Variants in COL28A1 observed in about 807,000 individuals in gnomAD.
The protein encoded by COL28A1 is collagen alpha-1(XXVIII) chain.
A neutral mutation model predicts 150.2 loss-of-function variants in COL28A1; 161 were observed. That is an observed-to-expected ratio of 1.07 (90% confidence interval 0.94 to 1.22). The LOEUF is 1.22. Ranked by LOEUF, COL28A1 falls within the 50% of genes most tolerant of loss-of-function variation. COL28A1 has a pLI of 0.00. For synonymous variants in COL28A1, 552 were observed against 469.7 expected, an observed-to-expected ratio of 1.18 and a Z score of -2.26; for missense variants, 1,617 against 1,388.3, an observed-to-expected ratio of 1.16 and a Z score of -2.62.
intron 33 of COL28A1, among the ~76,000 whole-genome samples, chr7:7,364,087 C>T (rs935476585): frequency 1.2e-4 from 18 of 152,258 alleles, no homozygotes; most frequent in African/African-American, 2.4e-4. Flanking sequence ...GGTCTCCATC[C>T]GCAAAACCTT....
chr7:7,462,586 C>T (rs546216684), intron 15 of COL28A1, among the ~76,000 whole-genome samples: 7 of 152,298 alleles, frequency 4.6e-5, no homozygotes, highest in South Asian at 2.1e-4. Context: ...AGGCTGAGCA[C>T]GGTGGCTCAC....
intron 7 of COL28A1, among the ~76,000 whole-genome samples, chr7:7,516,703 GAGTC>G (rs1473495434): frequency 6.6e-6 from 1 of 152,172 alleles, no homozygotes; most frequent in Non-Finnish European, 1.5e-5. Flanking sequence ...AGTTACATGT[GAGTC>G]AGACTACAAA....
At chr7:7,460,842 T>C (rs1320073479) in intron 15 of COL28A1, among the ~76,000 whole-genome samples, 1 of 152,198 alleles carries the variant, frequency 6.6e-6, no homozygotes, top group African/African-American at 2.4e-5. Context: ...TCTCAGATCA[T>C]AACTCATCCT....
intron 15 of COL28A1, among the ~76,000 whole-genome samples, chr7:7,471,435 A>T (rs1196043484): frequency 6.6e-6 from 1 of 152,218 alleles, no homozygotes; most frequent in East Asian, 1.9e-4. Context: ...ACTACAGACC[A>T]ATATCCCTCA....
At chr7:7,540,830 C>G (rs536054807), upstream of COL28A1, among the ~76,000 whole-genome samples, 11 of 152,258 alleles carry the variant, frequency 7.2e-5, no homozygotes, top group Non-Finnish European at 1.3e-4. Context: ...TCTTCGAACC[C>G]TGGGTTGAAA....
intron 1 of COL28A1, among the ~76,000 whole-genome samples, chr7:7,534,544 A>T (rs969727081): frequency 6.6e-6 from 1 of 152,188 alleles, no homozygotes; most frequent in Non-Finnish European, 1.5e-5. Context: ...ACCATAAGGA[A>T]CATCTCAGAA....
intron 33 of COL28A1, among the ~76,000 whole-genome samples, chr7:7,361,275 C>T (rs1213907037): frequency 3.7e-5 from 2 of 54,698 alleles, no homozygotes; most frequent in South Asian, 7.6e-4. Context: ...TGATATATAA[C>T]GAAACAAGAA....
intron 11 of COL28A1, among the ~76,000 whole-genome samples, chr7:7,497,873 G>A (rs1780305371): frequency 6.6e-6 from 1 of 152,152 alleles, no homozygotes; most frequent in South Asian, 2.1e-4. Flanking sequence ...ATATAAACTG[G>A]TAAGTGAACT....
chr7:7,380,246 T>G (rs1781796611), intron 30 of COL28A1, among the ~76,000 whole-genome samples: 1 of 152,192 alleles, frequency 6.6e-6, no homozygotes, highest in African/African-American at 2.4e-5. Flanking sequence ...AATCTCAATT[T>G]TGTGATTGCT....
intron 33 of COL28A1, among the ~76,000 whole-genome samples, chr7:7,362,258 G>T (rs7776588): frequency 0.78 from 118,337 of 151,802 alleles, 46,293 homozygotes; most frequent in East Asian, 0.88. Context: ...ATATTCTTTT[G>T]CAAATTTTTC....
At chr7:7,533,664 G>A (rs1474743448) in intron 1 of COL28A1, among the ~76,000 whole-genome samples, 5 of 152,066 alleles carry the variant, frequency 3.3e-5, no homozygotes, top group Non-Finnish European at 5.9e-5. Context: ...GAATAGCCCC[G>A]TGAAACTATT....
rs750315605 is a variant in COL28A1, at chr7:7,373,392, G to A, written c.2514C>T (p.Gly838=). 1.7e-5 allele frequency: 28 copies of A among 1,614,030 alleles called. No individual in the cohort carries two copies. In the Admixed American group the frequency reaches 1.8e-4, roughly 11 times the overall value. ...CCACCTTATGGCTATAGTTGATTATGCCTATGCGGGCCGTGGCAAGGTCCA... is the reference window on the plus strand; with the variant it reads ...CCACCTTATGGCTATAGTTGATTATACCTATGCGGGCCGTGGCAAGGTCCA... The part of the protein sequence containing the change: ...VALDLATARI[G]IINYSHKVEK... Residue 838 remains glycine (G), a synonymous_variant, in exon 32 of 35, where the codon GGC becomes GGT. Coordinates refer to ENST00000399429, the MANE Select transcript of COL28A1 (RefSeq NM_001037763.3). This position sits in a 1 kb window ranked among gnomAD's most constrained non-coding sequence, Gnocchi z 4.1.
chr7:7,512,881 T>C (rs537483683), intron 8 of COL28A1, among the ~76,000 whole-genome samples: 1 of 152,358 alleles, frequency 6.6e-6, no homozygotes, highest in African/African-American at 2.4e-5. Context: ...TGTACTGCTC[T>C]AGGGCATGTT....
At position 7,359,392 on chromosome 7, in the gene COL28A1, C is replaced by T. The variant is rs1315215919; in HGVS notation, c.3206-587G>A. 3.3e-5 allele frequency among the ~76,000 whole-genome samples: 5 copies of T among 152,000 alleles called. No homozygotes were observed. In the East Asian group the frequency reaches 5.8e-4, roughly 18 times the overall value. On this transcript the variant is annotated intron_variant, in intron 34 of 34. Transcript: ENST00000399429. ...CTAAAAACGTGATACAACTTTCTAA[C>T]GTCATATTGTCTTATCGTAGAAATA...
chr7:7,350,619 T>A, the COL28A1 span, among the ~76,000 whole-genome samples: 1 of 151,826 alleles, frequency 6.6e-6, no homozygotes, highest in Admixed American at 6.6e-5. Context: ...TGTTTCATTT[T>A]CCAGCAGGGA....
chr7:7,506,189 T>C (rs943512480), intron 10 of COL28A1, 122 bp from the exon 11 acceptor site: 13 of 618,558 alleles, frequency 2.1e-5, no homozygotes, highest in Non-Finnish European at 5.9e-6. Context: ...CAGAGCTAAA[T>C]TGAAATCACA....
chr7:7,363,176 A>G (rs1423938031), intron 33 of COL28A1, among the ~76,000 whole-genome samples: 2 of 152,218 alleles, frequency 1.3e-5, no homozygotes, highest in African/African-American at 4.8e-5. Flanking sequence ...CACTTCAGAT[A>G]TACGGTCTAG....
At chr7:7,379,063 T>C (rs1290234051) in intron 30 of COL28A1, among the ~76,000 whole-genome samples, 3 of 152,174 alleles carry the variant, frequency 2.0e-5, no homozygotes, top group Non-Finnish European at 4.4e-5. Context: ...AATTCTGGAA[T>C]TGCATGCATC....
the COL28A1 span, among the ~76,000 whole-genome samples, chr7:7,342,360 G>C: frequency 6.6e-6 from 1 of 151,416 alleles, no homozygotes; most frequent in Non-Finnish European, 1.5e-5. Flanking sequence ...AGAATGTATA[G>C]TTAGATATTT....
Sources: gnomAD v4.1 joint callset for allele counts (sites outside exome capture counted in the v4.1 genomes callset) on GRCh38, gnomAD v4.1.1 for gene constraint, Gnocchi (gnomAD v3.1) non-coding constraint, MANE v1.5 for transcripts, NCBI Gene and HGNC (gene_info 2026-07-23, HGNC 2026-07-21) for gene names.